KCND2: variants seen among roughly 807,000 people sequenced by gnomAD.
The protein encoded by KCND2 is A-type voltage-gated potassium channel KCND2.
KCND2 carries 16 observed loss-of-function variants against 54.4 expected under a neutral mutation model. The ratio of observed to expected loss-of-function variants is 0.29; its 90% CI spans 0.20 to 0.45. The LOEUF (loss-of-function observed/expected upper bound fraction) is 0.45, where lower values mean the gene tolerates loss of function less well. Among genes scored for constraint, KCND2 ranks in the 20% least tolerant of loss-of-function variants. KCND2 has a pLI of 1.00. For synonymous variants in KCND2, 317 were observed against 310.7 expected (o/e 1.02, Z -0.21); for missense variants, 486 against 824.2 (o/e 0.59, Z 5.02).
chr7:120,566,118 A>G (rs975992667), intron 1 of KCND2, among the ~76,000 whole-genome samples: 3 of 152,182 alleles, frequency 2.0e-5, no homozygotes, highest in Non-Finnish European at 2.9e-5. Context: ...TTTTCTACCT[A>G]TTACTGACAT....
intron 1 of KCND2, among the ~76,000 whole-genome samples, chr7:120,520,441 TA>T (rs1482621901): frequency 6.6e-6 from 1 of 152,160 alleles, no homozygotes; most frequent in Non-Finnish European, 1.5e-5. Context: ...GTCTTCATTT[TA>T]AAAATGTTTC....
intron 1 of KCND2, among the ~76,000 whole-genome samples, chr7:120,431,647 C>T (rs1801789580): frequency 6.6e-6 from 1 of 152,138 alleles, no homozygotes; most frequent in African/African-American, 2.4e-5. Flanking sequence ...ATTACTTAGC[C>T]TCAGTATTAT....
rs1303512483 is a variant in KCND2 at position 120,750,114 on chromosome 7, G to A, written c.*2256G>A. On this transcript the variant is annotated 3_prime_UTR_variant, in exon 6 of 6. Transcript: ENST00000331113. ...GATTTAAAAATATACCGTGTTGGTG[G>A]TGAATGACTATTGATGACTGTGTTA... 1 of 152,336 alleles carries A rather than the reference G, an allele frequency of 6.6e-6. No individual in the cohort carries two copies. The highest frequency in any genetic ancestry group is 2.4e-5 in the African/African-American group (1 of 41,416). The allele number at this position is 152,336 out of a possible 1,614,324, so 9.4% of individuals were successfully genotyped here.
At chr7:120,282,804 G>A (rs1427457319) in intron 1 of KCND2, among the ~76,000 whole-genome samples, 1 of 152,000 alleles carries the variant, frequency 6.6e-6, no homozygotes, top group Non-Finnish European at 1.5e-5. Context: ...ACACTCTCAG[G>A]GAATCAGACT....
At chr7:120,314,472 G>A (rs539209144) in intron 1 of KCND2, among the ~76,000 whole-genome samples, 3 of 152,098 alleles carry the variant, frequency 2.0e-5, no homozygotes, top group Admixed American at 6.6e-5. Context: ...GAGAATAAAT[G>A]TGTAATCAAA....
At chr7:120,327,004 G>A (rs1799987900) in intron 1 of KCND2, among the ~76,000 whole-genome samples, 1 of 151,814 alleles carries the variant, frequency 6.6e-6, no homozygotes, top group Non-Finnish European at 1.5e-5. Context: ...ATTGTTAAGT[G>A]ATGAGGAAAA....
chr7:120,600,605 ATTT>A lies in KCND2; in HGVS notation c.1116-132295_1116-132293del, dbSNP rs1341166139. Reference sequence around the variant, plus strand: ...GACTGTGAAAGTAAGTTTAAAATTGATTTTTCAAAAGAAAAGGGACAAACAATG... The same window carrying A: ...GACTGTGAAAGTAAGTTTAAAATTGATTCAAAAGAAAAGGGACAAACAATG... On this transcript the variant is annotated intron_variant, in intron 1 of 5. Coordinates refer to ENST00000331113, the MANE Select transcript of KCND2 (RefSeq NM_012281.3). 3.9e-5 allele frequency among the ~76,000 whole-genome samples: 6 copies of A among 152,122 alleles called. No homozygotes were observed. In the East Asian group the frequency reaches 1.2e-3, roughly 29 times the overall value.
intron 1 of KCND2, among the ~76,000 whole-genome samples, chr7:120,333,072 C>T (rs1800091564): frequency 6.6e-6 from 1 of 152,054 alleles, no homozygotes; most frequent in Admixed American, 6.5e-5. Context: ...TTCCATACAG[C>T]ATTGTCTGAT....
intron 1 of KCND2, among the ~76,000 whole-genome samples, chr7:120,717,902 G>A (rs1316525549): frequency 6.6e-6 from 1 of 152,054 alleles, no homozygotes; most frequent in Non-Finnish European, 1.5e-5. Flanking sequence ...GTCACTAACA[G>A]CAAGAACTGC....
chr7:120,406,345 T>C (rs1305249082), intron 1 of KCND2, among the ~76,000 whole-genome samples: 1 of 151,996 alleles, frequency 6.6e-6, no homozygotes, highest in Middle Eastern at 3.2e-3. Context: ...TCATATGAAA[T>C]TTTCTTTCAC....
At chr7:120,708,530 C>G (rs1267065472) in intron 1 of KCND2, among the ~76,000 whole-genome samples, 1 of 151,964 alleles carries the variant, frequency 6.6e-6, no homozygotes, top group Non-Finnish European at 1.5e-5. Context: ...ATTACATAAG[C>G]CTTTGAGTAA....
At chr7:120,642,271 C>T (rs1053608216) in intron 1 of KCND2, among the ~76,000 whole-genome samples, 1 of 151,738 alleles carries the variant, frequency 6.6e-6, no homozygotes, top group East Asian at 1.9e-4. Context: ...GTTTTATGGC[C>T]GGGCCCGGTG....
At chr7:120,511,540 T>G (rs997276228) in intron 1 of KCND2, among the ~76,000 whole-genome samples, 1 of 152,094 alleles carries the variant, frequency 6.6e-6, no homozygotes, top group Non-Finnish European at 1.5e-5. Context: ...GCAATAATTG[T>G]TTTTATTCTT....
At chr7:120,447,154 A>G (rs910813664) in intron 1 of KCND2, among the ~76,000 whole-genome samples, 3 of 152,092 alleles carry the variant, frequency 2.0e-5, no homozygotes, top group African/African-American at 7.2e-5. Context: ...CAAAGCCCAT[A>G]CTTATACTAT....
At chr7:120,581,147 C>T (rs966885840) in intron 1 of KCND2, among the ~76,000 whole-genome samples, 1 of 152,072 alleles carries the variant, frequency 6.6e-6, no homozygotes, top group African/African-American at 2.4e-5. Context: ...CGAAGCATAC[C>T]CAGCTAGGCA....
At chr7:120,712,298 C>G (rs554980777) in intron 1 of KCND2, among the ~76,000 whole-genome samples, 4 of 86,546 alleles carry the variant, frequency 4.6e-5, no homozygotes, top group African/African-American at 1.7e-4. Flanking sequence ...GGGTCTTGCT[C>G]TTTCACCCAG....
intron 1 of KCND2, among the ~76,000 whole-genome samples, chr7:120,452,048 T>G (rs1378684270): frequency 6.6e-6 from 1 of 152,248 alleles, no homozygotes; most frequent in Admixed American, 6.5e-5. Flanking sequence ...TTTCTTCCTA[T>G]TTAATCTTGT....
At chr7:120,465,547 A>G (rs1802355047) in intron 1 of KCND2, among the ~76,000 whole-genome samples, 1 of 152,164 alleles carries the variant, frequency 6.6e-6, no homozygotes, top group Non-Finnish European at 1.5e-5. Flanking sequence ...GGATTTAGAG[A>G]AGAAGAAAGT....
At chr7:120,279,858 G>A (rs1429626979) in intron 1 of KCND2, among the ~76,000 whole-genome samples, 1 of 151,722 alleles carries the variant, frequency 6.6e-6, no homozygotes, top group East Asian at 1.9e-4. Flanking sequence ...TATTATTAAA[G>A]AGAAGGATAA....
Sources: gnomAD v4.1 joint callset for allele counts (sites outside exome capture counted in the v4.1 genomes callset) on GRCh38, gnomAD v4.1.1 for gene constraint, MANE v1.5 for transcripts, NCBI Gene and HGNC (gene_info 2026-07-23, HGNC 2026-07-21) for gene names.